FAM135B: variants seen among roughly 807,000 people sequenced by gnomAD.
FAM135B encodes protein FAM135B.
A neutral mutation model predicts 127.7 loss-of-function variants in FAM135B; 43 were observed. The ratio of observed to expected loss-of-function variants is 0.34; its 90% CI spans 0.26 to 0.43. The LOEUF (loss-of-function observed/expected upper bound fraction) is 0.43. Ranked by LOEUF, FAM135B falls within the 20% of genes least tolerant of loss-of-function variation. The pLI is 1.00. For missense variants in FAM135B, 1,558 were observed against 1,725.6 expected, an observed-to-expected ratio of 0.90 and a Z score of 1.72; for synonymous variants, 670 against 665.1, an observed-to-expected ratio of 1.01 and a Z score of -0.11.
At chr8:138,276,729 C>A (rs1398076015) in intron 3 of FAM135B, among the ~76,000 whole-genome samples, 1 of 152,176 alleles carries the variant, frequency 6.6e-6, no homozygotes, top group African/African-American at 2.4e-5. Context: ...TCCATTAGGG[C>A]ACACACCCAC....
intron 1 of FAM135B, among the ~76,000 whole-genome samples, chr8:138,396,666 G>T (rs1832871502): frequency 6.6e-6 from 1 of 152,180 alleles, no homozygotes. Context: ...ACATGGAGAA[G>T]TGCCTAATAA....
chr8:138,197,414 T>TGTGACATTGG, intron 8 of FAM135B, 102 bp downstream of exon 8: 8 of 1,406,620 alleles, frequency 5.7e-6, no homozygotes, highest in Non-Finnish European at 9.7e-7. Flanking sequence ...ACCAGGGTTA[T>TGTGACATTGG]TCCTGTGACA....
chr8:138,308,588 T>C (rs1826434276), intron 3 of FAM135B, among the ~76,000 whole-genome samples: 1 of 152,040 alleles, frequency 6.6e-6, no homozygotes, highest in South Asian at 2.1e-4. Context: ...ACCAACTTCA[T>C]CATAATTATT....
At chr8:138,139,449 A>G (rs961522488) in intron 17 of FAM135B, among the ~76,000 whole-genome samples, 1 of 152,242 alleles carries the variant, frequency 6.6e-6, no homozygotes, top group Non-Finnish European at 1.5e-5. Flanking sequence ...TTTAGGATAC[A>G]GTAAAGCTAA....
chr8:138,442,277 TGAAAA>T (rs1835848830), intron 1 of FAM135B, among the ~76,000 whole-genome samples: 1 of 134,224 alleles, frequency 7.5e-6, no homozygotes. Flanking sequence ...TATATATATA[TGAAAA>T]ACCTTGGCAG....
At chr8:138,226,351 A>T (rs571253037) in intron 7 of FAM135B, among the ~76,000 whole-genome samples, 1 of 152,070 alleles carries the variant, frequency 6.6e-6, no homozygotes, top group Non-Finnish European at 1.5e-5. Flanking sequence ...CAAATGCACA[A>T]AAGGAAAGGA....
At chr8:138,442,236 C>G (rs542315395) in intron 1 of FAM135B, among the ~76,000 whole-genome samples, 2 of 13,130 alleles carry the variant, frequency 1.5e-4, no homozygotes, top group Admixed American at 2.7e-3. Context: ...AATATGGACA[C>G]CATATATATA....
At chr8:138,429,752 C>T (rs1235463917) in intron 1 of FAM135B, among the ~76,000 whole-genome samples, 1 of 152,126 alleles carries the variant, frequency 6.6e-6, no homozygotes. Context: ...CAGTCCAGAG[C>T]AGAGATCAAA....
At chr8:138,173,758 G>A (rs1317055922) in intron 11 of FAM135B, among the ~76,000 whole-genome samples, 3 of 152,218 alleles carry the variant, frequency 2.0e-5, no homozygotes, top group Non-Finnish European at 4.4e-5. Context: ...GCAAAAGTCA[G>A]AGTGATATCT....
intron 1 of FAM135B, among the ~76,000 whole-genome samples, chr8:138,476,228 G>C (rs1316962067): frequency 6.6e-6 from 1 of 152,136 alleles, no homozygotes; most frequent in Non-Finnish European, 1.5e-5. Context: ...AAATGAAAAG[G>C]CAGAGGACAA....
At chr8:138,346,773 T>C (rs758956324) in intron 2 of FAM135B, among the ~76,000 whole-genome samples, 1 of 152,128 alleles carries the variant, frequency 6.6e-6, no homozygotes, top group African/African-American at 2.4e-5. Context: ...GTGGCACACA[T>C]TTACCTATGT....
intron 1 of FAM135B, among the ~76,000 whole-genome samples, chr8:138,472,683 T>C (rs1487569260): frequency 6.6e-6 from 1 of 152,120 alleles, no homozygotes; most frequent in African/African-American, 2.4e-5. Context: ...TGTTAAGAAC[T>C]GAGCTAAGTT....
intron 1 of FAM135B, among the ~76,000 whole-genome samples, chr8:138,481,451 A>G (rs1564035157): frequency 6.6e-6 from 1 of 152,260 alleles, no homozygotes; most frequent in Non-Finnish European, 1.5e-5. Context: ...ATTAGCTTGC[A>G]TATTACAGCT....
At chr8:138,187,861 G>A (rs754222173) in intron 9 of FAM135B, among the ~76,000 whole-genome samples, 2 of 152,184 alleles carry the variant, frequency 1.3e-5, no homozygotes, top group Non-Finnish European at 2.9e-5. Flanking sequence ...GCCCGGCCCC[G>A]ATCTCTGGAG....
intron 7 of FAM135B, among the ~76,000 whole-genome samples, chr8:138,204,762 T>G (rs896995956): frequency 2.6e-5 from 4 of 152,250 alleles, no homozygotes; most frequent in African/African-American, 9.6e-5. Flanking sequence ...TGTAACCTGA[T>G]TTTAACTTTG....
chr8:138,163,292 C>T (rs1819575490), intron 12 of FAM135B, among the ~76,000 whole-genome samples: 1 of 152,154 alleles, frequency 6.6e-6, no homozygotes, highest in Admixed American at 6.5e-5. Context: ...ACTCTTCAGG[C>T]TTTAGGCGAA....
chr8:138,136,462 G>T (rs182573826), intron 19 of FAM135B, among the ~76,000 whole-genome samples: 2 of 152,140 alleles, frequency 1.3e-5, no homozygotes, highest in Admixed American at 6.5e-5. Context: ...TTTGATAATG[G>T]TACAATGGTT....
chr8:138,340,538 C>T (rs1205343036), intron 2 of FAM135B, among the ~76,000 whole-genome samples: 2 of 152,124 alleles, frequency 1.3e-5, no homozygotes, highest in African/African-American at 2.4e-5. Flanking sequence ...TAGGAGTTAA[C>T]CCAGGAGGGC....
intron 7 of FAM135B, among the ~76,000 whole-genome samples, chr8:138,222,944 C>A (rs1006094457): frequency 3.3e-5 from 5 of 152,222 alleles, no homozygotes; most frequent in African/African-American, 1.2e-4. Context: ...ATGGAATGGA[C>A]AAGGCTTGGC....
Sources: allele counts gnomAD v4.1 joint callset (sites outside exome capture counted in the v4.1 genomes callset), GRCh38; gene constraint gnomAD v4.1.1; transcripts MANE v1.5; gene names NCBI Gene and HGNC (gene_info 2026-07-23, HGNC 2026-07-21).